The following SAMD5 variants were observed in gnomAD, a reference collection of about 807,000 sequenced individuals.
SAMD5 encodes the protein sterile alpha motif domain containing 5, also known as sterile alpha motif domain-containing protein 5.
SAMD5 carries 13 observed loss-of-function variants against 11.3 expected under a neutral mutation model. That is an observed-to-expected ratio of 1.15 (90% CI 0.75 to 1.83). The LOEUF is 1.83. Among genes scored for constraint, SAMD5 ranks in the 40% most tolerant of loss-of-function variants. SAMD5 has a pLI of 0.00. For synonymous variants in SAMD5, 129 were observed against 111.3 expected, an observed-to-expected ratio of 1.16 and a Z score of -1.00; for missense variants, 255 against 239.1, an observed-to-expected ratio of 1.07 and a Z score of -0.44.
the SAMD5 span, among the ~76,000 whole-genome samples, chr6:147,866,002 G>C: frequency 6.6e-6 from 1 of 152,218 alleles, no homozygotes; most frequent in Non-Finnish European, 1.5e-5. Context: ...ATACACACTT[G>C]AAACCTTTAT....
intron 1 of SAMD5, among the ~76,000 whole-genome samples, chr6:147,638,042 G>T (rs1253995660): frequency 6.6e-6 from 1 of 151,912 alleles, no homozygotes; most frequent in East Asian, 1.9e-4. Context: ...ATTACACTTC[G>T]TAATGGTAAT....
intron 1 of SAMD5, among the ~76,000 whole-genome samples, chr6:147,603,813 A>C (rs1305598530): frequency 6.6e-6 from 1 of 152,178 alleles, no homozygotes; most frequent in Non-Finnish European, 1.5e-5. Context: ...ACAACAACAA[A>C]AAACAAGCTA....
chr6:147,578,492 CATGAGAA>C (rs1471351835), intron 1 of SAMD5, among the ~76,000 whole-genome samples: 4 of 152,054 alleles, frequency 2.6e-5, no homozygotes, highest in African/African-American at 9.7e-5. Flanking sequence ...TTAAAAATTC[CATGAGAA>C]TATGTCTTTA....
At chr6:147,881,713 C>CCA in the SAMD5 span, among the ~76,000 whole-genome samples, 2 of 152,166 alleles carry the variant, frequency 1.3e-5, no homozygotes, top group African/African-American at 2.4e-5. Flanking sequence ...GAGCAACAGC[C>CCA]CACCAGGCCT....
At chr6:147,617,367 T>C (rs1386299572) in intron 1 of SAMD5, among the ~76,000 whole-genome samples, 1 of 152,210 alleles carries the variant, frequency 6.6e-6, no homozygotes, top group Non-Finnish European at 1.5e-5. Context: ...GGCCTCAAAT[T>C]ATGGAAAAGT....
At chr6:147,517,850 T>A (rs1006940750) in intron 1 of SAMD5, among the ~76,000 whole-genome samples, 1 of 151,606 alleles carries the variant, frequency 6.6e-6, no homozygotes, top group Non-Finnish European at 1.5e-5. Context: ...GAAAATGTAA[T>A]CTTGGCAACA....
chr6:147,515,787 C>A (rs917654439), intron 1 of SAMD5, among the ~76,000 whole-genome samples: 9 of 152,040 alleles, frequency 5.9e-5, no homozygotes, highest in Admixed American at 5.9e-4. Context: ...GTTATTTCTG[C>A]AAACATGAAG....
At chr6:147,520,934 C>T (rs1788244332) in intron 1 of SAMD5, among the ~76,000 whole-genome samples, 1 of 152,116 alleles carries the variant, frequency 6.6e-6, no homozygotes, top group East Asian at 1.9e-4. Flanking sequence ...AACTGTAGTT[C>T]CCATGCTGTA....
At chr6:147,877,895 CTAGATAGATA>C in the SAMD5 span, among the ~76,000 whole-genome samples, 1 of 59,964 alleles carries the variant, frequency 1.7e-5, no homozygotes, top group African/African-American at 7.8e-5. Flanking sequence ...AGATAGATAG[CTAGATAGATA>C]GATAGCTAGC....
chr6:147,740,922 G>A (rs1238269408), downstream of SAMD5, among the ~76,000 whole-genome samples: 1 of 152,164 alleles, frequency 6.6e-6, no homozygotes, highest in Admixed American at 6.5e-5. Flanking sequence ...AAAGCAGTTG[G>A]CATTACTAGG....
chr6:147,671,582 G>A (rs1583133353), intron 1 of SAMD5, among the ~76,000 whole-genome samples: 2 of 152,304 alleles, frequency 1.3e-5, no homozygotes, highest in South Asian at 4.1e-4. Flanking sequence ...AACACCAATA[G>A]CATAAGAGAA....
chr6:147,696,872 G>A (rs1583143429), intron 1 of SAMD5, among the ~76,000 whole-genome samples: 1 of 152,304 alleles, frequency 6.6e-6, no homozygotes, highest in Non-Finnish European at 1.5e-5. Flanking sequence ...TTAGGCTGTA[G>A]CAAGGCCACT....
chr6:147,848,547 A>T, the SAMD5 span, among the ~76,000 whole-genome samples: 1 of 152,200 alleles, frequency 6.6e-6, no homozygotes, highest in Non-Finnish European at 1.5e-5. Context: ...TATGACTCAG[A>T]AGGTCAACAA....
chr6:147,765,250 C>T, the SAMD5 span, among the ~76,000 whole-genome samples: 74 of 152,146 alleles, frequency 4.9e-4, no homozygotes, highest in Non-Finnish European at 8.1e-4. Flanking sequence ...CCTTTGTTAG[C>T]TCTGTATGAG....
the SAMD5 span, among the ~76,000 whole-genome samples, chr6:147,802,160 C>T: frequency 1.3e-5 from 2 of 152,188 alleles, no homozygotes; most frequent in South Asian, 4.2e-4. Context: ...ATGTATTTTT[C>T]AAGGGACGTG....
the SAMD5 span, among the ~76,000 whole-genome samples, chr6:147,932,127 T>G: frequency 2.6e-4 from 39 of 152,332 alleles, no homozygotes; most frequent in East Asian, 4.6e-3. Context: ...GTTTTATCAT[T>G]ATATATAGCA....
chr6:147,524,581 T>C (rs982000198), intron 1 of SAMD5, among the ~76,000 whole-genome samples: 1 of 152,220 alleles, frequency 6.6e-6, no homozygotes, highest in Non-Finnish European at 1.5e-5. Flanking sequence ...GTCACAGTTA[T>C]GTCTGCCATT....
chr6:147,724,237 C>T (rs1462176617), intron 1 of SAMD5, among the ~76,000 whole-genome samples: 1 of 152,192 alleles, frequency 6.6e-6, no homozygotes, highest in Non-Finnish European at 1.5e-5. Context: ...AAGCGATTCT[C>T]CCCCTTCAGC....
chr6:147,936,059 A>G, the SAMD5 span, among the ~76,000 whole-genome samples: 1 of 152,146 alleles, frequency 6.6e-6, no homozygotes, highest in Non-Finnish European at 1.5e-5. Flanking sequence ...AGCCCTACTG[A>G]TGCTGACAGA....
Sources: allele counts gnomAD v4.1 joint callset (sites outside exome capture counted in the v4.1 genomes callset), GRCh38; gene constraint gnomAD v4.1.1; transcripts MANE v1.5; gene names NCBI Gene and HGNC (gene_info 2026-07-23, HGNC 2026-07-21).